Variants in MYPN observed in about 807,000 individuals in gnomAD.
MYPN encodes sarcomeric protein myopalladin, 145 kDa (MYOP).
MYPN carries 63 observed loss-of-function variants against 129.4 expected under a neutral mutation model. That is an observed-to-expected ratio of 0.49 (90% confidence interval 0.40 to 0.60). The LOEUF (loss-of-function observed/expected upper bound fraction) is 0.60. MYPN is among the 20% of genes least tolerant of loss of function. The probability of loss-of-function intolerance (pLI) is 0.00; values close to 1 mark genes in which losing one functional copy is unlikely to be tolerated. For synonymous variants in MYPN, 629 were observed against 600.9 expected (o/e 1.05, Z -0.68); for missense variants, 1,596 against 1,635.4 (o/e 0.98, Z 0.42).
chr10:68,195,799 T>A (rs1039403706), intron 15 of MYPN, among the ~76,000 whole-genome samples: 3 of 151,932 alleles, frequency 2.0e-5, no homozygotes, highest in Admixed American at 1.3e-4. Context: ...GCTTTTTTTT[T>A]AAGTTTGATT....
intron 10 of MYPN, among the ~76,000 whole-genome samples, 188 bp from the exon 11 acceptor site, chr10:68,173,878 G>A (rs1372638741): frequency 6.6e-6 from 1 of 150,658 alleles, no homozygotes; most frequent in Non-Finnish European, 1.5e-5. Flanking sequence ...TGTTGCCCAG[G>A]CTGGTCTCAA....
At chr10:68,112,909 G>C (rs2042101119) in intron 1 of MYPN, among the ~76,000 whole-genome samples, 2 of 152,180 alleles carry the variant, frequency 1.3e-5, no homozygotes, top group Non-Finnish European at 2.9e-5. Context: ...AAGGTGATCT[G>C]TACATAACTC....
chr10:68,162,040 C>G (rs905980962), intron 8 of MYPN: 3 of 226,642 alleles, frequency 1.3e-5, no homozygotes, highest in African/African-American at 7.0e-5. Flanking sequence ...TAGTGGCGCA[C>G]GTCTGTAATC....
At chr10:68,202,065 G>A (rs1039906953) in intron 18 of MYPN, 71 bp downstream of exon 18, 2 of 1,546,726 alleles carry the variant, frequency 1.3e-6, no homozygotes, top group Middle Eastern at 3.4e-4. Context: ...AAATAAGTCT[G>A]CTGCTATTTG....
chr10:68,188,423 T>TC (rs1253188255), intron 12 of MYPN, among the ~76,000 whole-genome samples: 2 of 151,602 alleles, frequency 1.3e-5, no homozygotes, highest in Non-Finnish European at 2.9e-5. Context: ...TTTTTTTTTT[T>TC]TTCTATCATT....
rs950196824 is a variant in MYPN at position 68,093,591 on chromosome 10, A to AG, written c.-2+5599_-2+5600insG. ...ATCTCTACTAAAAAAAAAAAAAAAA[A>AG]AAAGAAATACAAAAAATGAACCGGG... On this transcript the variant is annotated intron_variant, in intron 1 of 6. Coordinates refer to the MYPN transcript ENST00000685154. Among the ~76,000 whole-genome samples the AG allele has an allele frequency of 2.6e-5, 4 of 151,034 alleles. No individual in the cohort carries two copies. In the South Asian group the frequency reaches 6.3e-4, roughly 24 times the overall value.
At position 68,121,657 on chromosome 10, in the gene MYPN, C is replaced by A. The variant is rs960869945; in HGVS notation, c.219C>A (p.Asp73Glu). The change falls in exon 2 of 20, where the codon GAC becomes GAA. Residue 73 changes from aspartate to glutamate, a missense_variant. Asp to Glu is a conservative substitution (Grantham distance 45). Transcript: ENST00000358913. ...LSAFLSQEEL[D>E]ESVNLARLAI... ...CCTTTCTGAGCCAAGAAGAATTAGA[C>A]GAAAGTGTCAATTTGGCAAGACTGG... 3 of 1,614,070 alleles carry A rather than the reference C, an allele frequency of 1.9e-6. No individual in the cohort carries two copies. In the African/African-American group the frequency reaches 4.0e-5, roughly 22 times the overall value.
intron 12 of MYPN, among the ~76,000 whole-genome samples, chr10:68,182,414 T>TAACATATATATAACACATATATAC (rs2043342840): frequency 1.6e-5 from 1 of 61,082 alleles, no homozygotes; most frequent in African/African-American, 3.8e-5. Context: ...CACATATATA[T>TAACATATATATAACACATATATAC]AACATATATA....
chr10:68,113,835 C>T (rs80102887), intron 1 of MYPN, among the ~76,000 whole-genome samples: 1,828 of 152,058 alleles, frequency 0.012, 36 homozygotes, highest in African/African-American at 0.041. Flanking sequence ...CATTTTGCAA[C>T]GATTAAATCA....
chr10:68,175,489 T>C (rs924105712), intron 12 of MYPN, 28 bp downstream of exon 12: 7 of 1,612,990 alleles, frequency 4.3e-6, no homozygotes, highest in South Asian at 1.1e-5. Flanking sequence ...AGAAGGTTTA[T>C]TGAAATTTTA....
At chr10:68,136,362 T>A in intron 2 of MYPN, 1 of 849,428 alleles carries the variant, frequency 1.2e-6, no homozygotes, top group Non-Finnish European at 1.5e-6. Flanking sequence ...CTACTGCCAT[T>A]CTGTAAGTGT....
intron 12 of MYPN, among the ~76,000 whole-genome samples, chr10:68,184,479 A>G (rs1450917041): frequency 6.6e-6 from 1 of 152,096 alleles, no homozygotes; most frequent in Non-Finnish European, 1.5e-5. Context: ...CCTAGGCTGG[A>G]GTGCAATGGC....
At chr10:68,159,066 T>G (rs1449403694) in intron 7 of MYPN, among the ~76,000 whole-genome samples, 2 of 152,180 alleles carry the variant, frequency 1.3e-5, no homozygotes, top group African/African-American at 4.8e-5. Context: ...TTGGAATAAA[T>G]TTCTAGTATG....
In MYPN at chr10:68,210,682, T is replaced by C; in HGVS notation, c.*227T>C. 1 of 644,310 alleles carries C rather than the reference T, an allele frequency of 1.6e-6. No individual in the cohort carries two copies. The highest frequency in any genetic ancestry group is 2.9e-6 in the Non-Finnish European group (1 of 349,630). The allele number at this position is 644,310 out of a possible 1,614,324, so 39.9% of individuals were successfully genotyped here. On this transcript the variant is annotated 3_prime_UTR_variant, in exon 20 of 20. Coordinates refer to ENST00000358913, the MANE Select transcript of MYPN (RefSeq NM_032578.4). ...TTCCAACAGAGATGTGAGAAGATAA[T>C]ACAGATGAACCAAAGATGTCACACA...
intron 19 of MYPN, among the ~76,000 whole-genome samples, chr10:68,209,594 C>T (rs1379406108): frequency 1.3e-5 from 2 of 149,238 alleles, no homozygotes; most frequent in African/African-American, 4.9e-5. Context: ...AACAGGTCTT[C>T]ATGGTAGGAC....
chr10:68,178,965 C>A (rs1313611968), intron 12 of MYPN, among the ~76,000 whole-genome samples: 1 of 151,818 alleles, frequency 6.6e-6, no homozygotes, highest in Non-Finnish European at 1.5e-5. Flanking sequence ...TCCTCTCACA[C>A]CCCCTGCTTT....
chr10:68,191,087 T>C (rs893823124), intron 13 of MYPN, among the ~76,000 whole-genome samples: 1 of 152,202 alleles, frequency 6.6e-6, no homozygotes, highest in Non-Finnish European at 1.5e-5. Flanking sequence ...TTGGATATGA[T>C]AGCTTTAAGG....
At chr10:68,124,408 C>A (rs2042295532) in intron 2 of MYPN, among the ~76,000 whole-genome samples, 2 of 152,268 alleles carry the variant, frequency 1.3e-5, no homozygotes, top group Non-Finnish European at 2.9e-5. Flanking sequence ...GTAAATAGGG[C>A]ATCTGGGCAT....
chr10:68,168,046 T>G (rs1250007072), intron 10 of MYPN, among the ~76,000 whole-genome samples: 1 of 152,214 alleles, frequency 6.6e-6, no homozygotes, highest in African/African-American at 2.4e-5. Flanking sequence ...GAGCATCTCC[T>G]TGTTTCCTCT....
Sources: gnomAD v4.1 joint callset for allele counts (sites outside exome capture counted in the v4.1 genomes callset) on GRCh38, gnomAD v4.1.1 for gene constraint, MANE v1.5 for transcripts, NCBI Gene and HGNC (gene_info 2026-07-23, HGNC 2026-07-21) for gene names.